The following LRRC9 variants were observed in gnomAD, a reference collection of about 807,000 sequenced individuals.
LRRC9 encodes leucine rich repeat containing 9.
A neutral mutation model predicts 63.2 loss-of-function variants in LRRC9; 122 were observed. The ratio of observed to expected loss-of-function variants is 1.93; its 90% CI spans 1.67 to 2.24. The LOEUF (loss-of-function observed/expected upper bound fraction) is 2.24. Among genes scored for constraint, LRRC9 ranks in the 30% most tolerant of loss-of-function variants. LRRC9 has a pLI of 0.00. For synonymous variants in LRRC9, 366 were observed against 213.1 expected (o/e 1.72, Z -6.25); for missense variants, 1,071 against 627.7 (o/e 1.71, Z -7.55).
intron 8 of LRRC9, among the ~76,000 whole-genome samples, chr14:59,955,605 T>C (rs964737467): frequency 1.8e-4 from 27 of 152,224 alleles, no homozygotes; most frequent in African/African-American, 6.0e-4. Flanking sequence ...CTGGGATTCA[T>C]TGATTTTTTT....
At chr14:59,979,747 CAT>C (rs1256243354) in intron 15 of LRRC9, among the ~76,000 whole-genome samples, 7 of 144,088 alleles carry the variant, frequency 4.9e-5, no homozygotes. Flanking sequence ...TGTTCTCACT[CAT>C]AGGTGGGAAT....
intron 17 of LRRC9, among the ~76,000 whole-genome samples, chr14:59,992,296 C>A (rs908676839): frequency 2.0e-5 from 3 of 152,074 alleles, no homozygotes; most frequent in African/African-American, 2.4e-5. Context: ...GACATCCACA[C>A]CAAAACCCCA....
Position 59,938,395 on chromosome 14 carries a change from C to T in LRRC9, c.549C>T (p.Leu183=), listed in dbSNP as rs1282714530. The change falls in exon 7 of 32, where the codon CTC becomes CTT. Residue 183 remains leucine, a synonymous_variant. Transcript: ENST00000445360. This position sits in a 1 kb window ranked among gnomAD's most constrained non-coding sequence, Gnocchi z 4.2. Reference sequence around the variant, plus strand: ...TATCTTTGCTGGCATTTTAGGAACTCACGAACTTAACCAGGCTGCCTTGCT... The same window carrying T: ...TATCTTTGCTGGCATTTTAGGAACTTACGAACTTAACCAGGCTGCCTTGCT... 1 of 682,618 alleles carries T rather than the reference C, an allele frequency of 1.5e-6. No individual in the cohort carries two copies. Among genetic ancestry groups the T allele is most frequent in the Non-Finnish European group, 2.7e-6 (1 of 376,576 alleles). The allele number at this position is 682,618 out of a possible 1,614,324, so 42.3% of individuals were successfully genotyped here.
At chr14:60,034,761 G>A (rs532686255) in intron 29 of LRRC9, among the ~76,000 whole-genome samples, 1 of 152,252 alleles carries the variant, frequency 6.6e-6, no homozygotes, top group South Asian at 2.1e-4. Context: ...TGGGCACTTA[G>A]GTTGATTCCA....
chr14:60,046,510 C>A (rs1893434220), intron 29 of LRRC9, among the ~76,000 whole-genome samples: 1 of 152,190 alleles, frequency 6.6e-6, no homozygotes, highest in Non-Finnish European at 1.5e-5. Context: ...GTTCTCCAAG[C>A]ACCATTTATT....
At chr14:60,040,429 T>G (rs2140371678) in intron 29 of LRRC9, among the ~76,000 whole-genome samples, 1 of 152,108 alleles carries the variant, frequency 6.6e-6, no homozygotes, top group Middle Eastern at 3.4e-3. Context: ...ACTTGCTTTA[T>G]GAATCTGGGT....
At chr14:59,955,257 T>C (rs1343004385) in intron 8 of LRRC9, among the ~76,000 whole-genome samples, 2 of 152,214 alleles carry the variant, frequency 1.3e-5, no homozygotes, top group African/African-American at 4.8e-5. Flanking sequence ...AATGTGGCTG[T>C]CAATCCATCA....
chr14:59,938,592 G>T lies in LRRC9; in HGVS notation c.726+20G>T. The T allele has an allele frequency of 1.5e-6, 1 of 658,362 alleles. No homozygotes were observed. Among genetic ancestry groups the T allele is most frequent in the Non-Finnish European group, 2.7e-6 (1 of 364,876 alleles). The allele number at this position is 658,362 out of a possible 1,614,324, so 40.8% of individuals were successfully genotyped here. ...GCAGATGTAAGTACATCCCTAATCA[G>T]GCATCTGTGATTTCAGTTTTATTAG... On this transcript the variant is annotated intron_variant, in intron 7 of 31. Transcript: ENST00000445360. This position sits in a 1 kb window ranked among gnomAD's most constrained non-coding sequence, Gnocchi z 4.2.
At chr14:60,045,565 G>T (rs1470414238) in intron 29 of LRRC9, among the ~76,000 whole-genome samples, 4 of 152,082 alleles carry the variant, frequency 2.6e-5, no homozygotes, top group South Asian at 2.1e-4. Context: ...CAGGATAATG[G>T]CTTCCGGCTC....
chr14:59,995,055 C>T (rs534430890), intron 17 of LRRC9, among the ~76,000 whole-genome samples: 1 of 152,052 alleles, frequency 6.6e-6, no homozygotes, highest in East Asian at 1.9e-4. Context: ...GTTCATCATT[C>T]CTGGCCTTGC....
chr14:60,040,077 A>G (rs919140683), intron 29 of LRRC9, among the ~76,000 whole-genome samples: 5 of 151,950 alleles, frequency 3.3e-5, no homozygotes, highest in African/African-American at 1.2e-4. Flanking sequence ...AGCGGTTTTG[A>G]GTGAGTTTCT....
At chr14:60,018,209 C>T (rs886552334) in intron 24 of LRRC9, 162 bp from the exon 25 acceptor site, 47 of 553,010 alleles carry the variant, frequency 8.5e-5, no homozygotes, top group Middle Eastern at 8.8e-4. Flanking sequence ...TATATTCAGC[C>T]GATCATTTAA....
In LRRC9 at chr14:60,060,463, G is replaced by C. The variant is rs74733660; in HGVS notation, c.4276+2441G>C. Among the ~76,000 whole-genome samples the C allele has an allele frequency of 6.6e-6, 1 of 151,976 alleles. No individual in the cohort carries two copies. Among genetic ancestry groups the C allele is most frequent in the Admixed American group, 6.6e-5 (1 of 15,260 alleles). On this transcript the variant is annotated intron_variant, in intron 31 of 31. Transcript: ENST00000445360. The surrounding 1 kb of genome is among the most constrained non-coding windows in gnomAD (Gnocchi z 4.0). Reference sequence around the variant, plus strand: ...CTACCATAGACAGTGATTCCTAACCGGGCGCGATGGCTCACGCTTGTAATC... The same window carrying C: ...CTACCATAGACAGTGATTCCTAACCCGGCGCGATGGCTCACGCTTGTAATC...
downstream of LRRC9, among the ~76,000 whole-genome samples, chr14:60,066,695 A>G (rs1334852626): frequency 1.3e-5 from 2 of 152,244 alleles, no homozygotes; most frequent in African/African-American, 2.4e-5. Flanking sequence ...TCAGTAAGAA[A>G]TACCACAGCT....
chr14:59,951,916 G>A (rs1326341478), intron 8 of LRRC9, among the ~76,000 whole-genome samples: 5 of 152,106 alleles, frequency 3.3e-5, no homozygotes, highest in Admixed American at 2.6e-4. Context: ...TGTCAGACAG[G>A]GACATTTAAG....
chr14:60,016,596 C>A, intron 23 of LRRC9, 64 bp from the exon 24 acceptor site: 1 of 620,938 alleles, frequency 1.6e-6, no homozygotes, highest in Non-Finnish European at 3.0e-6. Context: ...TACCTAAAAC[C>A]AGAGAACTAT....
chr14:60,028,527 A>C (rs570500804), intron 28 of LRRC9, among the ~76,000 whole-genome samples: 38 of 152,098 alleles, frequency 2.5e-4, no homozygotes, highest in African/African-American at 5.1e-4. Flanking sequence ...TTAATATTTT[A>C]TCTCTCCCCA....
chr14:59,987,422 C>G (rs1438023828), intron 17 of LRRC9, among the ~76,000 whole-genome samples: 1 of 29,634 alleles, frequency 3.4e-5, no homozygotes, highest in Non-Finnish European at 1.7e-4. Flanking sequence ...ACAAAACATT[C>G]TCACCACCCA....
chr14:60,000,512 G>C (rs1265852639), intron 19 of LRRC9, among the ~76,000 whole-genome samples: 1 of 152,016 alleles, frequency 6.6e-6, no homozygotes, highest in African/African-American at 2.4e-5. Flanking sequence ...ATGTGGTATT[G>C]GCACAGAGCT....
Sources: gnomAD v4.1 joint callset for allele counts (sites outside exome capture counted in the v4.1 genomes callset) on GRCh38, gnomAD v4.1.1 for gene constraint, Gnocchi (gnomAD v3.1) non-coding constraint, MANE v1.5 for transcripts, NCBI Gene and HGNC (gene_info 2026-07-23, HGNC 2026-07-21) for gene names.